The following FGF2 variants were observed in gnomAD, a reference collection of about 807,000 sequenced individuals.
FGF2 encodes fibroblast growth factor 2.
In FGF2, 13 loss-of-function variants were observed where a neutral mutation model predicts 15.9. The ratio of observed to expected loss-of-function variants is 0.82; its 90% confidence interval spans 0.53 to 1.30. FGF2 has a LOEUF of 1.30. Ranked by LOEUF, FGF2 falls within the 50% of genes most tolerant of loss-of-function variation. FGF2 has a pLI of 0.00. For missense variants in FGF2, 163 were observed against 196.9 expected, an observed-to-expected ratio of 0.83 and a Z score of 1.03; for synonymous variants, 90 against 78.4, an observed-to-expected ratio of 1.15 and a Z score of -0.78.
chr4:122,877,222 GCCTCAGCCTCC>G (rs1726871546), intron 2 of FGF2, among the ~76,000 whole-genome samples: 1 of 151,530 alleles, frequency 6.6e-6, no homozygotes, highest in Non-Finnish European at 1.5e-5. Context: ...CAATTCTCCT[GCCTCAGCCTCC>G]CGAGTAGCTG....
At chr4:122,862,109 T>G (rs191907289) in intron 1 of FGF2, among the ~76,000 whole-genome samples, 50 of 152,324 alleles carry the variant, frequency 3.3e-4, no homozygotes, top group African/African-American at 1.2e-3. Context: ...AATGTTATAT[T>G]TTCCTTTGGG....
At chr4:122,842,227 T>G (rs1462253039) in intron 1 of FGF2, among the ~76,000 whole-genome samples, 1 of 152,180 alleles carries the variant, frequency 6.6e-6, no homozygotes, top group Non-Finnish European at 1.5e-5. Flanking sequence ...CAACGATGTA[T>G]GGAGTGCATC....
At chr4:122,831,520 A>G (rs143035503) in intron 1 of FGF2, among the ~76,000 whole-genome samples, 133 of 152,362 alleles carry the variant, frequency 8.7e-4, no homozygotes, top group Non-Finnish European at 1.5e-3. Flanking sequence ...GGATAGCAAT[A>G]ATTTTACTTA....
chr4:122,891,726 C>T (rs62323461), intron 2 of FGF2, among the ~76,000 whole-genome samples: 1 of 151,918 alleles, frequency 6.6e-6, no homozygotes, highest in Non-Finnish European at 1.5e-5. Context: ...TAACAAACCT[C>T]CTTCTGTATG....
chr4:122,870,906 TATG>T (rs1316676196), intron 1 of FGF2, among the ~76,000 whole-genome samples: 1 of 152,150 alleles, frequency 6.6e-6, no homozygotes, highest in Non-Finnish European at 1.5e-5. Flanking sequence ...CTCTTTTAAT[TATG>T]ATGTTAGGGT....
chr4:122,864,209 T>C (rs1331231694), intron 1 of FGF2, among the ~76,000 whole-genome samples: 1 of 152,228 alleles, frequency 6.6e-6, no homozygotes, highest in African/African-American at 2.4e-5. Flanking sequence ...TGTAAACCTT[T>C]CATTTTTTTC....
intron 1 of FGF2, among the ~76,000 whole-genome samples, chr4:122,871,037 G>A (rs973772587): frequency 1.2e-4 from 18 of 152,006 alleles, no homozygotes; most frequent in Admixed American, 1.1e-3. Flanking sequence ...TGTTCTCGTT[G>A]TTTTCAAATA....
rs1295210187 is a variant in FGF2, at chr4:122,896,599, A to G, written c.*4203A>G. The G allele has an allele frequency of 6.6e-6, 1 of 152,218 alleles. No homozygotes were observed. Among genetic ancestry groups the G allele is most frequent in the Non-Finnish European group, 1.5e-5 (1 of 68,034 alleles). 9.4% of individuals were successfully genotyped at this position (152,218 alleles called of 1,614,324 possible). A position where few individuals can be genotyped will look rare whatever the true frequency, so the allele number is the denominator to read the frequency against. On this transcript the variant is annotated 3_prime_UTR_variant, in exon 3 of 3. Transcript: ENST00000644866. ...AATCATCTTTTATATCAACAGAAGA[A>G]TAAGCATAAACTAAGCAAAAGGTCA...
chr4:122,861,908 T>C (rs148807972), intron 1 of FGF2, among the ~76,000 whole-genome samples: 78 of 152,340 alleles, frequency 5.1e-4, no homozygotes, highest in Admixed American at 8.5e-4. Context: ...GCTAATTCTT[T>C]CAGTCTCCAA....
At chr4:122,853,828 A>G (rs781473019) in intron 1 of FGF2, among the ~76,000 whole-genome samples, 6 of 152,244 alleles carry the variant, frequency 3.9e-5, no homozygotes, top group Admixed American at 6.5e-5. Flanking sequence ...CTTATCTTTT[A>G]TAAACTAAAA....
Position 122,826,873 on chromosome 4 carries a change from C to A in FGF2, c.-302C>A. 6.6e-7 allele frequency: 1 copy of A among 1,522,296 alleles called. No individual in the cohort carries two copies. The highest frequency in any genetic ancestry group is 8.8e-7 in the Non-Finnish European group (1 of 1,137,000). The allele number at this position is 1,522,296 out of a possible 1,614,324, so 94.3% of individuals were successfully genotyped here. A position where few individuals can be genotyped will look rare whatever the true frequency, so the allele number is the denominator to read the frequency against. On this transcript the variant is annotated 5_prime_UTR_variant, in exon 1 of 3. Transcript: ENST00000644866. ...GGTGCCCGCGGTTGCAACGGGATCC[C>A]GGGCGCTGCAGCTTGGGAGGCGGCT...
intron 2 of FGF2, among the ~76,000 whole-genome samples, chr4:122,888,023 A>ATAC (rs1727093818): frequency 6.6e-6 from 1 of 152,226 alleles, no homozygotes; most frequent in South Asian, 2.1e-4. Flanking sequence ...TGCTCAGTAA[A>ATAC]TACTGTCTCC....
At chr4:122,849,028 G>A (rs142604628) in intron 1 of FGF2, among the ~76,000 whole-genome samples, 25 of 152,254 alleles carry the variant, frequency 1.6e-4, no homozygotes, top group African/African-American at 4.8e-4. Flanking sequence ...TGGCTCTTCC[G>A]GACTGGGTCT....
Position 122,842,037 on chromosome 4 carries a change from G to A in FGF2, c.178+14685G>A, listed in dbSNP as rs116508237. Among the ~76,000 whole-genome samples, 301 of 152,308 alleles carry A rather than the reference G, an allele frequency of 2.0e-3. 3 individuals carry two copies. The highest frequency in any genetic ancestry group is 7.0e-3 in the African/African-American group (291 of 41,550). ...TGGAGAATATTGGCTCTGCCCATGG[G>A]TATCACTCCAGAAGTGGATGAATGT... On this transcript the variant is annotated intron_variant, in intron 1 of 2. Transcript: ENST00000644866.
Position 122,895,913 on chromosome 4 carries a change from T to A in FGF2, c.*3517T>A, listed in dbSNP as rs1446660503. The A allele has an allele frequency of 1.3e-5, 2 of 152,452 alleles. No homozygotes were observed. The highest frequency in any genetic ancestry group is 1.3e-4 in the Admixed American group (2 of 15,280). 9.4% of individuals were successfully genotyped at this position (152,452 alleles called of 1,614,324 possible). On this transcript the variant is annotated 3_prime_UTR_variant, in exon 3 of 3. Coordinates refer to ENST00000644866, the MANE Select transcript of FGF2 (RefSeq NM_001361665.2). Reference sequence around the variant, plus strand: ...AGAGTTTAAATAATTTCAGTAATTCTTAGATGATTCAGCTTCATCATTAAG... The same window carrying A: ...AGAGTTTAAATAATTTCAGTAATTCATAGATGATTCAGCTTCATCATTAAG...
At chr4:122,860,298 G>A (rs1482078071) in intron 1 of FGF2, among the ~76,000 whole-genome samples, 1 of 151,962 alleles carries the variant, frequency 6.6e-6, no homozygotes, top group Admixed American at 6.6e-5. Context: ...TATCAAGCAA[G>A]TTGCTGAATT....
In FGF2 at chr4:122,893,153, C is replaced by G. The variant is rs1048201; in HGVS notation, c.*757C>G. 2.5e-6 allele frequency: 4 copies of G among 1,613,964 alleles called. No homozygotes were observed. Among genetic ancestry groups the G allele is most frequent in the Non-Finnish European group, 3.4e-6 (4 of 1,179,970 alleles). Reference sequence around the variant, plus strand: ...AGCTCCAGGATTTGTGTGCTGTTGCCGAATACTCAGGACGGACCTGAATTC... The same window carrying G: ...AGCTCCAGGATTTGTGTGCTGTTGCGGAATACTCAGGACGGACCTGAATTC... On this transcript the variant is annotated 3_prime_UTR_variant, in exon 3 of 3. Coordinates refer to ENST00000644866, the MANE Select transcript of FGF2 (RefSeq NM_001361665.2).
At chr4:122,828,782 C>T (rs1311426282) in intron 1 of FGF2, among the ~76,000 whole-genome samples, 2 of 152,134 alleles carry the variant, frequency 1.3e-5, no homozygotes, top group Admixed American at 6.5e-5. Context: ...TGAAAAGATG[C>T]TTGTAACCTA....
intron 1 of FGF2, 67 bp from the exon 2 acceptor site, chr4:122,876,254 C>T (rs1378442679): frequency 7.3e-6 from 7 of 956,454 alleles, no homozygotes; most frequent in East Asian, 4.8e-5. Context: ...CTTTATATTG[C>T]GTAAATATTG....
Sources: gnomAD v4.1 joint callset for allele counts (sites outside exome capture counted in the v4.1 genomes callset) on GRCh38, gnomAD v4.1.1 for gene constraint, MANE v1.5 for transcripts, NCBI Gene and HGNC (gene_info 2026-07-23, HGNC 2026-07-21) for gene names.